Variants in ITGA2 observed in about 807,000 individuals in gnomAD.
ITGA2 encodes the protein integrin subunit alpha 2.
Under a neutral mutation model 146.3 loss-of-function variants are expected in ITGA2, and 101 were observed. The observed-to-expected ratio is 0.69, with a 90% confidence interval of 0.59 to 0.81. ITGA2 has a LOEUF of 0.81. Ranked by LOEUF, ITGA2 falls within the 40% of genes least tolerant of loss-of-function variation. The pLI is 0.00. For missense variants in ITGA2, 1,281 were observed against 1,402.7 expected, an observed-to-expected ratio of 0.91 and a Z score of 1.39; for synonymous variants, 477 against 487.1, an observed-to-expected ratio of 0.98 and a Z score of 0.27.
chr5:53,042,368 C>T, intron 3 of ITGA2, 147 bp downstream of exon 3: 1 of 652,932 alleles, frequency 1.5e-6, no homozygotes, highest in East Asian at 2.8e-5. Context: ...ACAATCATAT[C>T]CAAATTTCCA....
intron 12 of ITGA2, 141 bp downstream of exon 12, chr5:53,061,187 T>A (rs1744892080): frequency 1.2e-6 from 1 of 823,096 alleles, no homozygotes; most frequent in Admixed American, 1.9e-5. Flanking sequence ...ACTTAGTGTA[T>A]TCCTTAAATC....
At chr5:53,071,284 C>T (rs1418112621) in intron 17 of ITGA2, among the ~76,000 whole-genome samples, 1 of 151,838 alleles carries the variant, frequency 6.6e-6, no homozygotes, top group Non-Finnish European at 1.5e-5. Context: ...CCCTTCTCTC[C>T]CATCCTGTGC....
At chr5:53,086,709 C>A (rs942890238) in intron 27 of ITGA2, among the ~76,000 whole-genome samples, 1 of 152,194 alleles carries the variant, frequency 6.6e-6, no homozygotes, top group African/African-American at 2.4e-5. Flanking sequence ...GATCCCACCC[C>A]AGAGAGTTGA....
intron 28 of ITGA2, among the ~76,000 whole-genome samples, chr5:53,088,118 T>C (rs1413977230): frequency 6.6e-6 from 1 of 152,214 alleles, no homozygotes; most frequent in Non-Finnish European, 1.5e-5. Flanking sequence ...AAATGCAGAC[T>C]TCAAATTCAA....
At chr5:53,001,382 A>C (rs1397007031) in intron 1 of ITGA2, among the ~76,000 whole-genome samples, 2 of 152,152 alleles carry the variant, frequency 1.3e-5, no homozygotes, top group Non-Finnish European at 2.9e-5. Flanking sequence ...TAGGTTACCC[A>C]GACAATTCAT....
intron 1 of ITGA2, among the ~76,000 whole-genome samples, chr5:53,004,088 C>T (rs918973547): frequency 1.3e-5 from 2 of 152,040 alleles, no homozygotes; most frequent in African/African-American, 4.8e-5. Context: ...TGTCCTCCAC[C>T]CACTAGATGT....
At chr5:53,059,118 A>G (rs1334202053) in intron 10 of ITGA2, among the ~76,000 whole-genome samples, 1 of 151,984 alleles carries the variant, frequency 6.6e-6, no homozygotes. Flanking sequence ...AATTAAAAAT[A>G]GTGTATCTCA....
At chr5:53,059,555 G>A (rs1744805508) in intron 10 of ITGA2, among the ~76,000 whole-genome samples, 2 of 151,870 alleles carry the variant, frequency 1.3e-5, no homozygotes, top group Non-Finnish European at 2.9e-5. Flanking sequence ...GTTCATAAGG[G>A]TTTACCATTG....
chr5:53,019,302 T>G (rs1742553150), intron 1 of ITGA2, among the ~76,000 whole-genome samples: 1 of 152,198 alleles, frequency 6.6e-6, no homozygotes, highest in African/African-American at 2.4e-5. Flanking sequence ...CGGTCACCTG[T>G]GACCTAAAAA....
At chr5:52,989,585 C>CT in intron 1 of ITGA2, 53 bp downstream of exon 1, 1 of 1,590,506 alleles carries the variant, frequency 6.3e-7, no homozygotes, top group Non-Finnish European at 8.6e-7. Context: ...GCGCGGCTTC[C>CT]TGGGGCTCGC....
intron 20 of ITGA2, among the ~76,000 whole-genome samples, chr5:53,073,616 G>A (rs1745505437): frequency 6.6e-6 from 1 of 151,830 alleles, no homozygotes; most frequent in Admixed American, 6.6e-5. Flanking sequence ...TTGCAACTAT[G>A]GTTGTTGCTG....
intron 4 of ITGA2, among the ~76,000 whole-genome samples, chr5:53,046,158 G>A (rs140978269): frequency 0.041 from 5,633 of 138,634 alleles, 147 homozygotes; most frequent in Middle Eastern, 0.086. Flanking sequence ...TCGTGCCACT[G>A]CACTCCAGCC....
intron 1 of ITGA2, among the ~76,000 whole-genome samples, chr5:53,001,654 G>C (rs1438263670): frequency 1.3e-5 from 2 of 152,042 alleles, no homozygotes; most frequent in Non-Finnish European, 2.9e-5. Context: ...GGTCAATATA[G>C]CGAGACTCTG....
chr5:53,083,568 A>G (rs988826966), intron 27 of ITGA2, 115 bp downstream of exon 27: 1 of 739,794 alleles, frequency 1.4e-6, no homozygotes, highest in Non-Finnish European at 2.4e-6. Flanking sequence ...GCAATGGCCA[A>G]ATAACCCAGA....
intron 1 of ITGA2, among the ~76,000 whole-genome samples, chr5:52,992,575 TCA>T (rs1187884370): frequency 1.3e-5 from 2 of 152,208 alleles, no homozygotes; most frequent in Non-Finnish European, 2.9e-5. Context: ...GTTTTCAACC[TCA>T]CAGCCACTCT....
chr5:53,055,554 G>A lies in ITGA2; in HGVS notation c.796G>A (p.Ala266Thr). 6.2e-7 allele frequency: 1 copy of A among 1,612,866 alleles called. No individual in the cohort carries two copies. Among genetic ancestry groups the A allele is most frequent in the East Asian group, 2.2e-5 (1 of 44,810 alleles). ...IQYARKYAYS[A>T]ASGGRRSATK... ...CTGCCACAGAAAATATGCTTATTCAGCAGCTTCTGGTGGGCGACGAAGTGC... is the reference window on the plus strand; with the variant it reads ...CTGCCACAGAAAATATGCTTATTCAACAGCTTCTGGTGGGCGACGAAGTGC... The change falls in exon 8 of 30, where the codon GCA (alanine) becomes ACA (threonine). Residue 266 changes from alanine (A) to threonine (T), a missense_variant. Ala to Thr is a moderately conservative substitution (Grantham distance 58). Transcript: ENST00000296585.
chr5:53,059,314 T>C (rs1744795201), intron 10 of ITGA2, among the ~76,000 whole-genome samples: 1 of 151,842 alleles, frequency 6.6e-6, no homozygotes, highest in Non-Finnish European at 1.5e-5. Flanking sequence ...ATCAAATAGA[T>C]GGAATATAGG....
In ITGA2 at chr5:53,056,087, C is replaced by T. The variant is rs775095789; in HGVS notation, c.1034C>T (p.Ser345Phe). ...IPTERYFFNVSDEAALLEKAG... is the reference protein window; with the variant it reads ...IPTERYFFNVFDEAALLEKAG... ...ACAGAAAGATACTTTTTCAATGTGT[C>T]TGATGAAGCAGCTCTACTAGAAAAG... The change falls in exon 9 of 30, where the codon TCT becomes TTT. Residue 345 changes from serine (S) to phenylalanine (F), a missense_variant. Physicochemically the swap from Ser to Phe is radical, Grantham distance 155. Around this residue, in one of 3 missense-constraint regions of ITGA2, gnomAD observed 795 missense variants for 841.7 expected, o/e 0.94. Transcript: ENST00000296585. 40 of 1,611,850 alleles carry T rather than the reference C, an allele frequency of 2.5e-5. No homozygotes were observed. Among genetic ancestry groups the T allele is most frequent in the Non-Finnish European group, 3.1e-5 (36 of 1,178,798 alleles).
At chr5:53,086,412 G>A (rs1217614769) in intron 27 of ITGA2, among the ~76,000 whole-genome samples, 3 of 152,154 alleles carry the variant, frequency 2.0e-5, no homozygotes, top group Non-Finnish European at 4.4e-5. Flanking sequence ...GCCATGGGTG[G>A]TCAAGTTCAA....
Sources: gnomAD v4.1 joint callset for allele counts (sites outside exome capture counted in the v4.1 genomes callset) on GRCh38, gnomAD v4.1.1 for gene constraint, gnomAD v4.1.1 regional missense constraint, MANE v1.5 for transcripts, NCBI Gene and HGNC (gene_info 2026-07-23, HGNC 2026-07-21) for gene names.